Variants in CACUL1 observed in about 807,000 individuals in gnomAD.
CACUL1 encodes CDK2-associated and cullin domain-containing protein 1.
A neutral mutation model predicts 45.2 loss-of-function variants in CACUL1; 13 were observed. The ratio of observed to expected loss-of-function variants is 0.29; its 90% confidence interval spans 0.19 to 0.46. The LOEUF (loss-of-function observed/expected upper bound fraction) is 0.46. CACUL1 is among the 20% of genes least tolerant of loss of function. The pLI is 1.00. For missense variants in CACUL1, 421 were observed against 471.4 expected (o/e 0.89, Z 0.99); for synonymous variants, 197 against 174.2 (o/e 1.13, Z -1.03).
At chr10:118,703,387 T>G (rs1054214075) in intron 4 of CACUL1, among the ~76,000 whole-genome samples, 1 of 152,160 alleles carries the variant, frequency 6.6e-6, no homozygotes, top group Non-Finnish European at 1.5e-5. Context: ...ATGTTGCATC[T>G]TGGAAGATTT....
At chr10:118,702,852 G>C (rs544978310) in intron 4 of CACUL1, among the ~76,000 whole-genome samples, 1 of 152,242 alleles carries the variant, frequency 6.6e-6, no homozygotes, top group African/African-American at 2.4e-5. Flanking sequence ...AAAGTGCTGG[G>C]ATTACAGGCG....
intron 1 of CACUL1, among the ~76,000 whole-genome samples, chr10:118,742,898 G>A (rs1350574339): frequency 6.6e-6 from 1 of 152,174 alleles, no homozygotes; most frequent in African/African-American, 2.4e-5. Context: ...ATGTGGGAAT[G>A]GATTGTGAGG....
intron 1 of CACUL1, among the ~76,000 whole-genome samples, chr10:118,735,538 C>T (rs572034444): frequency 2.0e-5 from 3 of 152,328 alleles, no homozygotes; most frequent in African/African-American, 7.2e-5. Flanking sequence ...ATAATTCTTA[C>T]GCCTGTTAAA....
chr10:118,707,311 A>G (rs1002305176), intron 4 of CACUL1, among the ~76,000 whole-genome samples, 181 bp downstream of exon 4: 3 of 151,796 alleles, frequency 2.0e-5, no homozygotes, highest in Non-Finnish European at 4.4e-5. Flanking sequence ...AAGCAGAAAA[A>G]GGGGAAATAA....
rs556238244 is a variant in CACUL1, at chr10:118,708,992, G to A, written c.598-1405C>T. Among the ~76,000 whole-genome samples the A allele has an allele frequency of 4.6e-5, 7 of 152,256 alleles. No individual in the cohort carries two copies. The South Asian group carries it at 8.3e-4, about 18-fold the overall frequency. On this transcript the variant is annotated intron_variant, in intron 3 of 8. Coordinates refer to ENST00000369151, the MANE Select transcript of CACUL1 (RefSeq NM_153810.5). The stretch of plus-strand genomic sequence containing the variant: ...AAAAAATCTGTGTATAACTTTTCAC[G>A]TCCCCCCAAATTTAACTACCAATAT...
intron 5 of CACUL1, among the ~76,000 whole-genome samples, chr10:118,697,836 T>C (rs1298358648): frequency 6.6e-6 from 1 of 152,246 alleles, no homozygotes; most frequent in Non-Finnish European, 1.5e-5. Flanking sequence ...ACACATTTGT[T>C]ACATTTGCTC....
At chr10:118,751,632 C>T (rs1845898807) in intron 1 of CACUL1, among the ~76,000 whole-genome samples, 1 of 152,180 alleles carries the variant, frequency 6.6e-6, no homozygotes, top group Non-Finnish European at 1.5e-5. Flanking sequence ...ATAAGGCAAG[C>T]CTCCCATCCC....
chr10:118,728,576 T>C (rs188394784), intron 3 of CACUL1, among the ~76,000 whole-genome samples: 14 of 152,292 alleles, frequency 9.2e-5, no homozygotes, highest in Admixed American at 2.6e-4. Context: ...GAGTGATTTT[T>C]CTAGACATTC....
At chr10:118,694,789 A>G (rs1284086796) in intron 6 of CACUL1, 1 of 190,542 alleles carries the variant, frequency 5.2e-6, no homozygotes, top group Non-Finnish European at 1.1e-5. Flanking sequence ...AGGCCTAAGA[A>G]GACGGGGTTG....
chr10:118,709,493 C>T (rs1845464682), intron 3 of CACUL1, among the ~76,000 whole-genome samples: 1 of 152,196 alleles, frequency 6.6e-6, no homozygotes, highest in Non-Finnish European at 1.5e-5. Context: ...CCAGGTCTTC[C>T]AACTAAGAAT....
At chr10:118,742,016 C>G (rs1845797663) in intron 1 of CACUL1, among the ~76,000 whole-genome samples, 1 of 152,218 alleles carries the variant, frequency 6.6e-6, no homozygotes, top group African/African-American at 2.4e-5. Context: ...TAAAGACTCT[C>G]TTTCCTGAAT....
At chr10:118,709,196 T>C (rs1247684704) in intron 3 of CACUL1, among the ~76,000 whole-genome samples, 6 of 152,228 alleles carry the variant, frequency 3.9e-5, no homozygotes, top group Non-Finnish European at 7.3e-5. Context: ...ATAAAGATTT[T>C]CATCCTTATC....
chr10:118,746,522 A>G (rs1481640976), intron 1 of CACUL1, among the ~76,000 whole-genome samples: 1 of 152,214 alleles, frequency 6.6e-6, no homozygotes, highest in Non-Finnish European at 1.5e-5. Flanking sequence ...AAAATTACAG[A>G]TAAAATCTTG....
chr10:118,739,112 T>C (rs1238375592), intron 1 of CACUL1, among the ~76,000 whole-genome samples: 2 of 150,564 alleles, frequency 1.3e-5, no homozygotes, highest in Non-Finnish European at 3.0e-5. Context: ...AAGAGAATGG[T>C]GTGAACCCGG....
chr10:118,718,025 G>C (rs1340385976), intron 3 of CACUL1, among the ~76,000 whole-genome samples: 1 of 152,206 alleles, frequency 6.6e-6, no homozygotes, highest in Admixed American at 6.5e-5. Flanking sequence ...AACCTACCCA[G>C]ATTCAAAGCA....
chr10:118,754,641 G>A lies in CACUL1; in HGVS notation c.122C>T (p.Pro41Leu), dbSNP rs748418336. Residue 41 changes from proline (P) to leucine (L), a missense_variant, in exon 1 of 9, where the codon CCC (proline) becomes CTC (leucine). Coordinates refer to ENST00000369151, the MANE Select transcript of CACUL1 (RefSeq NM_153810.5). ...GGCAGGGGCCGGGATCGACGAGGGG[G>A]GCGGCGGAGGTGGCAGGGGCTGCCG... ...GFRQPLPPPPPPSSIPAPARE... is the reference protein window; with the variant it reads ...GFRQPLPPPPLPSSIPAPARE... 2 of 1,606,266 alleles carry A rather than the reference G, an allele frequency of 1.2e-6. No individual in the cohort carries two copies. Among genetic ancestry groups the A allele is most frequent in the Admixed American group, 3.4e-5 (2 of 58,260 alleles).
At chr10:118,701,583 G>A (rs1316588392) in intron 4 of CACUL1, among the ~76,000 whole-genome samples, 175 bp from the exon 5 acceptor site, 3 of 152,086 alleles carry the variant, frequency 2.0e-5, no homozygotes, top group Admixed American at 6.6e-5. Flanking sequence ...TTTCTGGCAC[G>A]GGGTGGAAAG....
intron 1 of CACUL1, among the ~76,000 whole-genome samples, chr10:118,738,445 G>A (rs1399041119): frequency 6.6e-6 from 1 of 152,122 alleles, no homozygotes; most frequent in East Asian, 1.9e-4. Flanking sequence ...CTACGCGCCA[G>A]GAAAAATATG....
At chr10:118,714,356 G>A (rs1373454161) in intron 3 of CACUL1, among the ~76,000 whole-genome samples, 3 of 151,732 alleles carry the variant, frequency 2.0e-5, no homozygotes. Context: ...TTCATTAGAC[G>A]GTATCAAAAA....
Sources: allele counts gnomAD v4.1 joint callset (sites outside exome capture counted in the v4.1 genomes callset), GRCh38; gene constraint gnomAD v4.1.1; transcripts MANE v1.5; gene names NCBI Gene and HGNC (gene_info 2026-07-23, HGNC 2026-07-21).